FMN2: variants seen among roughly 807,000 people sequenced by gnomAD.
FMN2 encodes formin 2, also known as formin-2.
FMN2 carries 51 observed loss-of-function variants against 142.3 expected under a neutral mutation model. That is an observed-to-expected ratio of 0.36 (90% CI 0.29 to 0.45). The LOEUF (loss-of-function observed/expected upper bound fraction) is 0.45. FMN2 is among the 20% of genes least tolerant of loss of function. FMN2 has a pLI of 1.00. For missense variants in FMN2, 1,936 were observed against 2,122.8 expected, an observed-to-expected ratio of 0.91 and a Z score of 1.73; for synonymous variants, 882 against 869.8, an observed-to-expected ratio of 1.01 and a Z score of -0.25.
intron 3 of FMN2, among the ~76,000 whole-genome samples, chr1:240,180,767 A>G (rs1370272284): frequency 4.0e-5 from 6 of 151,818 alleles, no homozygotes; most frequent in Non-Finnish European, 7.4e-5. Flanking sequence ...GGGTTTCACC[A>G]TGTTAGCTAA....
chr1:240,246,395 AGG>A (rs1226457004), intron 6 of FMN2, among the ~76,000 whole-genome samples: 1 of 152,148 alleles, frequency 6.6e-6, no homozygotes. Context: ...TGGGAGTTAG[AGG>A]CTACAATCAG....
rs879696916 is a variant in FMN2, at chr1:240,441,947, C to CAG, written c.5060+3751_5060+3752dup. On this transcript the variant is annotated intron_variant, in intron 16 of 17. Transcript: ENST00000319653. Reference sequence around the variant, plus strand: ...ATACCTCAAAGCAAAAAGAGAGAGACAGAGAGAGAGAGAGAAATTTTATTT... The same window carrying CAG: ...ATACCTCAAAGCAAAAAGAGAGAGACAGAGAGAGAGAGAGAGAAATTTTATTT... Among the ~76,000 whole-genome samples, 1,271 of 151,376 alleles carry CAG rather than the reference C, an allele frequency of 8.4e-3. 12 individuals are homozygous for CAG. Among genetic ancestry groups the CAG allele is most frequent in the African/African-American group, 0.029 (1,211 of 41,282 alleles).
rs1328824173 is a variant in FMN2 at position 240,333,923 on chromosome 1, T to C, written c.4621T>C (p.Tyr1541His). ...AAGCCTTTTGTCATATATTGTTTCG[T>C]ATTATCTCCGAAATTTTGATGAGGT... ...SRSLLSYIVS[Y>H]YLRNFDEDAG... Residue 1541 changes from tyrosine (Y) to histidine (H), a missense_variant, in exon 12 of 18, where the codon TAT (tyrosine) becomes CAT (histidine). Physicochemically the swap from Tyr to His is moderately conservative, Grantham distance 83 (BLOSUM62 2). Around this residue, in one of 8 missense-constraint regions of FMN2, gnomAD observed 322 missense variants for 401.6 expected, o/e 0.80. Coordinates refer to ENST00000319653, the MANE Select transcript of FMN2 (RefSeq NM_020066.5). 3 of 1,610,828 alleles carry C rather than the reference T, an allele frequency of 1.9e-6. No individual in the cohort carries two copies. The Admixed American group carries it at 5.0e-5, about 27-fold the overall frequency.
chr1:240,369,227 G>A (rs1672784546), intron 14 of FMN2, among the ~76,000 whole-genome samples: 1 of 152,024 alleles, frequency 6.6e-6, no homozygotes, highest in Non-Finnish European at 1.5e-5. Flanking sequence ...TCACATATAA[G>A]TGAGATCAAG....
chr1:240,318,877 G>A (rs1670876873), intron 8 of FMN2, among the ~76,000 whole-genome samples: 1 of 152,086 alleles, frequency 6.6e-6, no homozygotes, highest in South Asian at 2.1e-4. Context: ...TAGATGTTTA[G>A]GATAACCCCC....
At position 240,143,067 on chromosome 1, in the gene FMN2, A is replaced by G. The variant is rs1009847795; in HGVS notation, c.1782+19722A>G. On this transcript the variant is annotated intron_variant, in intron 2 of 17. Transcript: ENST00000319653. ...GTCACTGTGGTAGGGGCAGAGGGTAAGTGTACCCTTCCCTAAATGTGTCAG... is the reference window on the plus strand; with the variant it reads ...GTCACTGTGGTAGGGGCAGAGGGTAGGTGTACCCTTCCCTAAATGTGTCAG... The G allele has an allele frequency of 3.7e-5, 55 of 1,501,072 alleles. No homozygotes were observed. The African/African-American group carries it at 6.7e-4, about 18-fold the overall frequency. 93.0% of individuals were successfully genotyped at this position (1,501,072 alleles called of 1,614,324 possible). A position where few individuals can be genotyped will look rare whatever the true frequency, so the allele number is the denominator to read the frequency against.
At chr1:240,437,292 C>CTTTTTTT (rs10649766) in intron 15 of FMN2, among the ~76,000 whole-genome samples, 50 of 117,374 alleles carry the variant, frequency 4.3e-4, no homozygotes, top group East Asian at 4.1e-3. Context: ...GCATCTCTTG[C>CTTTTTTT]TTTTTTTTTT....
intron 3 of FMN2, among the ~76,000 whole-genome samples, chr1:240,185,537 G>C (rs1187400980): frequency 6.6e-6 from 1 of 152,208 alleles, no homozygotes; most frequent in Admixed American, 6.5e-5. Context: ...TTGGGTGTAG[G>C]TGTGCAGAAT....
intron 14 of FMN2, among the ~76,000 whole-genome samples, chr1:240,371,479 T>C (rs1160359533): frequency 6.6e-6 from 1 of 152,182 alleles, no homozygotes; most frequent in Non-Finnish European, 1.5e-5. Flanking sequence ...TCTTCCAGTT[T>C]TTTTTGAAGA....
rs1468211712 is a variant in FMN2 at position 240,316,684 on chromosome 1, T to C, written c.4216-12392T>C. ...TGGATGTTCAAAATGATGAACAGAT[T>C]TGGGGACAAAATAGAACGGATGATC... On this transcript the variant is annotated intron_variant, in intron 8 of 17. Transcript: ENST00000319653. Among the ~76,000 whole-genome samples the C allele has an allele frequency of 3.3e-5, 5 of 152,246 alleles. No individual in the cohort carries two copies. In the East Asian group the frequency reaches 7.7e-4, roughly 24 times the overall value.
chr1:240,307,830 G>T (rs145352362), intron 8 of FMN2, among the ~76,000 whole-genome samples: 7 of 152,172 alleles, frequency 4.6e-5, no homozygotes, highest in Non-Finnish European at 8.8e-5. Flanking sequence ...GCTTCAGGCA[G>T]TATGGATATT....
chr1:240,161,480 G>A (rs950021389), intron 2 of FMN2, among the ~76,000 whole-genome samples: 7 of 151,606 alleles, frequency 4.6e-5, no homozygotes, highest in South Asian at 2.1e-4. Context: ...GTGCAGTGAG[G>A]CGACATTGTG....
At chr1:240,155,782 T>C (rs868097213) in intron 2 of FMN2, among the ~76,000 whole-genome samples, 17 of 152,094 alleles carry the variant, frequency 1.1e-4, no homozygotes, top group South Asian at 2.1e-4. Context: ...TAATAATTCA[T>C]GCTCTTAATT....
chr1:240,237,729 A>G (rs764269067), intron 6 of FMN2, among the ~76,000 whole-genome samples: 16 of 149,512 alleles, frequency 1.1e-4, no homozygotes, highest in Non-Finnish European at 1.6e-4. Context: ...TGGGCTTAGT[A>G]CTTTATCTTG....
intron 14 of FMN2, among the ~76,000 whole-genome samples, chr1:240,383,874 G>T (rs187166327): frequency 2.0e-5 from 3 of 147,216 alleles, no homozygotes; most frequent in Non-Finnish European, 4.5e-5. Context: ...CAGATGACTG[G>T]AGAAAGAAAA....
chr1:240,126,566 G>A (rs550851777), intron 2 of FMN2, among the ~76,000 whole-genome samples: 1 of 152,142 alleles, frequency 6.6e-6, no homozygotes, highest in Admixed American at 6.5e-5. Flanking sequence ...CAATTTTAGG[G>A]CCTAACATTT....
At chr1:240,199,247 T>C (rs1036793678) in intron 4 of FMN2, among the ~76,000 whole-genome samples, 2 of 152,192 alleles carry the variant, frequency 1.3e-5, no homozygotes, top group African/African-American at 4.8e-5. Context: ...ATTTGAAAAA[T>C]CTAAATATGG....
chr1:240,214,274 G>A (rs934277029), intron 6 of FMN2, among the ~76,000 whole-genome samples: 7 of 152,126 alleles, frequency 4.6e-5, no homozygotes, highest in African/African-American at 1.7e-4. Context: ...GATCTTGGCC[G>A]GGTGTGGTGG....
rs1477094671 is a variant in FMN2, at chr1:240,456,112, G to A, written c.5061-16260G>A. 3.3e-5 allele frequency among the ~76,000 whole-genome samples: 5 copies of A among 151,674 alleles called. No homozygotes were observed. The South Asian group carries it at 6.3e-4, about 19-fold the overall frequency. ...CTACCTGATTATGACTTCTCTAACA[G>A]GAATAATGGAGTCTACACACTTTGG... On this transcript the variant is annotated intron_variant, in intron 16 of 17. Coordinates refer to ENST00000319653, the MANE Select transcript of FMN2 (RefSeq NM_020066.5).
Sources: gnomAD v4.1 joint callset for allele counts (sites outside exome capture counted in the v4.1 genomes callset) on GRCh38, gnomAD v4.1.1 for gene constraint, gnomAD v4.1.1 regional missense constraint, MANE v1.5 for transcripts, NCBI Gene and HGNC (gene_info 2026-07-23, HGNC 2026-07-21) for gene names.